Variants in ARHGAP26 observed in about 807,000 individuals in gnomAD.
ARHGAP26 encodes the protein rho GTPase-activating protein 26.
A neutral mutation model predicts 104.8 loss-of-function variants in ARHGAP26; 38 were observed. That is an observed-to-expected ratio of 0.36 (90% confidence interval 0.28 to 0.48). The LOEUF is 0.48. Among genes scored for constraint, ARHGAP26 ranks in the 20% least tolerant of loss-of-function variants. The pLI is 0.99. For synonymous variants in ARHGAP26, 341 were observed against 340.0 expected, an observed-to-expected ratio of 1.00 and a Z score of -0.03; for missense variants, 704 against 947.9, an observed-to-expected ratio of 0.74 and a Z score of 3.38.
intron 17 of ARHGAP26, among the ~76,000 whole-genome samples, chr5:143,076,961 C>G (rs999449793): frequency 6.6e-6 from 1 of 152,108 alleles, no homozygotes; most frequent in African/African-American, 2.4e-5. Context: ...TTGCAAACAT[C>G]CTTTTGCACA....
At chr5:142,889,916 C>T (rs1487844414) in intron 5 of ARHGAP26, among the ~76,000 whole-genome samples, 1 of 151,008 alleles carries the variant, frequency 6.6e-6, no homozygotes, top group Non-Finnish European at 1.5e-5. Flanking sequence ...GGACAGATCA[C>T]CTGAGGTCTG....
intron 17 of ARHGAP26, among the ~76,000 whole-genome samples, chr5:143,085,044 C>CAAAAAA (rs56852430): frequency 1.3e-4 from 8 of 61,608 alleles, no homozygotes; most frequent in Non-Finnish European, 2.2e-4. Flanking sequence ...GACTCCATCT[C>CAAAAAA]AAAAAAAAAA....
intron 14 of ARHGAP26, among the ~76,000 whole-genome samples, chr5:143,053,564 T>C (rs1454172577): frequency 6.6e-6 from 1 of 152,224 alleles, no homozygotes; most frequent in African/African-American, 2.4e-5. Flanking sequence ...CCTTGTGTGC[T>C]ACTCAGGAAG....
intron 10 of ARHGAP26, among the ~76,000 whole-genome samples, chr5:142,915,274 C>T (rs1762329741): frequency 6.6e-6 from 1 of 152,072 alleles, no homozygotes; most frequent in Admixed American, 6.6e-5. Flanking sequence ...TCGATTGCTC[C>T]TGAGTTTCTG....
chr5:143,146,809 C>CA (rs1475860329), intron 19 of ARHGAP26, among the ~76,000 whole-genome samples: 3 of 152,154 alleles, frequency 2.0e-5, no homozygotes, highest in African/African-American at 4.8e-5. Context: ...TCAATTAGAG[C>CA]AATATTAGAG....
intron 18 of ARHGAP26, among the ~76,000 whole-genome samples, chr5:143,132,509 G>A (rs1599156995): frequency 6.6e-6 from 1 of 151,938 alleles, no homozygotes; most frequent in African/African-American, 2.4e-5. Context: ...GGGGTGTTAT[G>A]CAGCCATTAA....
intron 11 of ARHGAP26, among the ~76,000 whole-genome samples, chr5:142,990,435 G>A (rs530357026): frequency 8.0e-4 from 122 of 152,228 alleles, no homozygotes; most frequent in African/African-American, 2.8e-3. Flanking sequence ...TATTCTTACC[G>A]ATCATCTCAA....
intron 14 of ARHGAP26, among the ~76,000 whole-genome samples, chr5:143,044,244 A>C (rs937371172): frequency 3.9e-5 from 6 of 152,238 alleles, no homozygotes; most frequent in Non-Finnish European, 7.3e-5. Flanking sequence ...AGACAGAAGC[A>C]TGGCAGAGTC....
At chr5:142,771,828 C>A (rs1755270123) in intron 1 of ARHGAP26, among the ~76,000 whole-genome samples, 1 of 152,232 alleles carries the variant, frequency 6.6e-6, no homozygotes, top group East Asian at 1.9e-4. Context: ...TTCTGCTTCA[C>A]TTTTGCAGAG....
chr5:143,061,605 T>G (rs1401378272), intron 17 of ARHGAP26, among the ~76,000 whole-genome samples: 1 of 152,158 alleles, frequency 6.6e-6, no homozygotes, highest in Non-Finnish European at 1.5e-5. Context: ...CAGAGAGATA[T>G]GGTATCATTT....
At chr5:143,158,858 C>T (rs1433290684) in intron 20 of ARHGAP26, among the ~76,000 whole-genome samples, 6 of 151,114 alleles carry the variant, frequency 4.0e-5, no homozygotes, top group African/African-American at 1.5e-4. Flanking sequence ...TCAGGGAAAA[C>T]CAAGATGTTA....
At chr5:143,188,834 A>G (rs181400711) in intron 20 of ARHGAP26, among the ~76,000 whole-genome samples, 1 of 152,346 alleles carries the variant, frequency 6.6e-6, no homozygotes, top group East Asian at 1.9e-4. Flanking sequence ...GGTAACCTAG[A>G]AAAAGGAGGT....
intron 20 of ARHGAP26, among the ~76,000 whole-genome samples, chr5:143,187,637 C>T (rs887175122): frequency 6.6e-6 from 1 of 152,238 alleles, no homozygotes; most frequent in African/African-American, 2.4e-5. Flanking sequence ...AGTTTCCCGA[C>T]GTCAGTTTGC....
chr5:143,207,197 G>A lies in ARHGAP26; in HGVS notation c.1989-1G>A. On this transcript the variant is annotated splice_acceptor_variant, in intron 20 of 22. Transcript: ENST00000645722. LOFTEE classifies it high-confidence loss of function. ...AGTTTTCTGGTTGTTATGTCTTGCA[G>A]CCCCCCGAATCCAAGCCCAACTTCA... 2 of 1,612,740 alleles carry A rather than the reference G, an allele frequency of 1.2e-6. No homozygotes were observed. Among genetic ancestry groups the A allele is most frequent in the South Asian group, 2.2e-5 (2 of 90,984 alleles).
chr5:142,851,142 G>C (rs1467899170), intron 1 of ARHGAP26, among the ~76,000 whole-genome samples: 10 of 150,896 alleles, frequency 6.6e-5, no homozygotes, highest in Non-Finnish European at 1.5e-4. Flanking sequence ...CTGTTGCCCA[G>C]GCTGGAGTGC....
At chr5:143,026,933 C>T (rs895685156) in intron 12 of ARHGAP26, among the ~76,000 whole-genome samples, 1 of 151,904 alleles carries the variant, frequency 6.6e-6, no homozygotes, top group East Asian at 1.9e-4. Flanking sequence ...ATTCTGGATA[C>T]GGTTTTAAGT....
intron 20 of ARHGAP26, among the ~76,000 whole-genome samples, chr5:143,150,379 T>C (rs557890438): frequency 1.3e-5 from 2 of 152,340 alleles, no homozygotes; most frequent in South Asian, 4.1e-4. Context: ...AATGGGGACT[T>C]ACAAGTCATA....
chr5:142,912,979 A>G (rs573968118), intron 9 of ARHGAP26, among the ~76,000 whole-genome samples: 1 of 152,350 alleles, frequency 6.6e-6, no homozygotes, highest in East Asian at 1.9e-4. Context: ...ATCCACCCGT[A>G]CTAAAGATGT....
intron 1 of ARHGAP26, among the ~76,000 whole-genome samples, chr5:142,860,981 C>G (rs1037543395): frequency 1.3e-5 from 2 of 152,222 alleles, no homozygotes; most frequent in Non-Finnish European, 2.9e-5. Context: ...CCTGGAAGGG[C>G]TCTTGCAACA....
Sources: allele counts gnomAD v4.1 joint callset (sites outside exome capture counted in the v4.1 genomes callset), GRCh38; gene constraint gnomAD v4.1.1; transcripts MANE v1.5; gene names NCBI Gene and HGNC (gene_info 2026-07-23, HGNC 2026-07-21).